The following TCF7L1 variants were observed in gnomAD, a reference collection of about 807,000 sequenced individuals.
The protein encoded by TCF7L1 is transcription factor 7 like 1.
In TCF7L1, 18 loss-of-function variants were observed where a neutral mutation model predicts 63.7. The observed-to-expected ratio is 0.28, with a 90% CI of 0.20 to 0.42. The LOEUF (loss-of-function observed/expected upper bound fraction) is 0.42, where lower values mean the gene tolerates loss of function less well. Among genes scored for constraint, TCF7L1 ranks in the 10% least tolerant of loss-of-function variants. TCF7L1 has a pLI of 1.00. For missense variants in TCF7L1, 654 were observed against 779.3 expected (o/e 0.84, Z 1.91); for synonymous variants, 355 against 340.9 (o/e 1.04, Z -0.46).
intron 3 of TCF7L1, among the ~76,000 whole-genome samples, chr2:85,163,490 A>G (rs995538998): frequency 5.3e-5 from 8 of 152,170 alleles, no homozygotes; most frequent in Non-Finnish European, 1.2e-4. Flanking sequence ...TCCGAACAGA[A>G]TCTAATTTCA....
intron 3 of TCF7L1, among the ~76,000 whole-genome samples, chr2:85,272,515 G>A (rs1681173354): frequency 1.3e-5 from 2 of 152,060 alleles, no homozygotes; most frequent in Admixed American, 6.5e-5. Flanking sequence ...GTGGATGACC[G>A]GGCGTGGTAG....
intron 3 of TCF7L1, among the ~76,000 whole-genome samples, chr2:85,234,566 T>A (rs777827827): frequency 4.6e-5 from 7 of 152,206 alleles, no homozygotes; most frequent in Non-Finnish European, 1.0e-4. Flanking sequence ...CCCAAACATA[T>A]GCCAAAGAAT....
chr2:85,210,172 T>C (rs1679510142), intron 3 of TCF7L1, among the ~76,000 whole-genome samples: 1 of 152,240 alleles, frequency 6.6e-6, no homozygotes, highest in African/African-American at 2.4e-5. Flanking sequence ...TACCATTAAC[T>C]GGCTCCTTAT....
intron 3 of TCF7L1, among the ~76,000 whole-genome samples, chr2:85,180,154 G>A (rs892494087): frequency 1.3e-5 from 2 of 151,904 alleles, no homozygotes; most frequent in African/African-American, 4.8e-5. Context: ...GATGGGGAGG[G>A]AGATGTGAGG....
intron 3 of TCF7L1, among the ~76,000 whole-genome samples, chr2:85,236,707 A>AAGAGGTAAACAGAGTCCCAAGTCTG: frequency 6.6e-6 from 1 of 152,162 alleles, no homozygotes; most frequent in East Asian, 1.9e-4. Flanking sequence ...GGGGCAACAT[A>AAGAGGTAAACAGAGTCCCAAGTCTG]AGAGGTAAAC....
At chr2:85,200,184 G>A (rs1030665274) in intron 3 of TCF7L1, among the ~76,000 whole-genome samples, 3 of 152,070 alleles carry the variant, frequency 2.0e-5, no homozygotes, top group African/African-American at 7.2e-5. Flanking sequence ...CCACTTTTTG[G>A]CTATTGTGGA....
intron 4 of TCF7L1, among the ~76,000 whole-genome samples, chr2:85,290,503 A>G (rs564153443): frequency 2.6e-5 from 4 of 152,348 alleles, no homozygotes; most frequent in East Asian, 1.9e-4. Context: ...TAATTTACAT[A>G]TAGTGAAATT....
At chr2:85,260,419 T>C (rs1680831780) in intron 3 of TCF7L1, among the ~76,000 whole-genome samples, 3 of 152,002 alleles carry the variant, frequency 2.0e-5, no homozygotes, top group Admixed American at 2.0e-4. Context: ...GGCAGATTGC[T>C]TGAGCCCAGG....
intron 3 of TCF7L1, among the ~76,000 whole-genome samples, chr2:85,269,960 G>A (rs1681110075): frequency 2.6e-5 from 4 of 152,160 alleles, no homozygotes; most frequent in African/African-American, 9.7e-5. Context: ...TGTGGGGTCG[G>A]AGAGCTCTCC....
intron 4 of TCF7L1, among the ~76,000 whole-genome samples, chr2:85,291,379 A>C (rs924944382): frequency 1.1e-4 from 17 of 152,214 alleles, no homozygotes; most frequent in African/African-American, 3.9e-4. Flanking sequence ...CACAAGTTCT[A>C]CCTTTCACAA....
intron 3 of TCF7L1, among the ~76,000 whole-genome samples, chr2:85,176,719 G>A (rs777547347): frequency 6.6e-6 from 1 of 152,178 alleles, no homozygotes; most frequent in Non-Finnish European, 1.5e-5. Context: ...AGGCACAGTG[G>A]TTCACGCCTG....
chr2:85,173,405 A>G (rs905085129), intron 3 of TCF7L1, among the ~76,000 whole-genome samples: 3 of 152,142 alleles, frequency 2.0e-5, no homozygotes, highest in Non-Finnish European at 4.4e-5. Context: ...AGGAGGCAGA[A>G]AAACAGAAAC....
At chr2:85,228,528 G>T (rs1235122145) in intron 3 of TCF7L1, among the ~76,000 whole-genome samples, 1 of 152,146 alleles carries the variant, frequency 6.6e-6, no homozygotes, top group Non-Finnish European at 1.5e-5. Context: ...GCTGAGGAAG[G>T]GCAGCCTAGA....
intron 3 of TCF7L1, among the ~76,000 whole-genome samples, chr2:85,228,293 C>A (rs1033066639): frequency 2.6e-5 from 4 of 152,078 alleles, no homozygotes; most frequent in Non-Finnish European, 5.9e-5. Context: ...TGGTGGTGCA[C>A]GCCTGTAGTC....
rs1012398239 is a variant in TCF7L1 at position 85,223,541 on chromosome 2, G to A, written c.442-59954G>A. On this transcript the variant is annotated intron_variant, in intron 3 of 11. Coordinates refer to ENST00000282111, the MANE Select transcript of TCF7L1 (RefSeq NM_031283.3). Reference sequence around the variant, plus strand: ...ATCAAGTGAGCTGCTGGAGGTGGATGTATGGGGTGTCTGCTTCCCCAGGTG... The same window carrying A: ...ATCAAGTGAGCTGCTGGAGGTGGATATATGGGGTGTCTGCTTCCCCAGGTG... Among the ~76,000 whole-genome samples the A allele has an allele frequency of 5.9e-5, 9 of 152,148 alleles. 1 individual carries two copies.
intron 3 of TCF7L1, among the ~76,000 whole-genome samples, chr2:85,162,353 A>T (rs1164471206): frequency 6.6e-6 from 1 of 152,218 alleles, no homozygotes; most frequent in African/African-American, 2.4e-5. Flanking sequence ...CACTTTTAAA[A>T]GTTGGTACAC....
chr2:85,170,084 A>T (rs764534050), intron 3 of TCF7L1, among the ~76,000 whole-genome samples: 6 of 152,208 alleles, frequency 3.9e-5, no homozygotes, highest in Non-Finnish European at 8.8e-5. Context: ...TGAATATTTC[A>T]GAGAGAGGAG....
chr2:85,285,632 C>T (rs1490790992), intron 4 of TCF7L1, among the ~76,000 whole-genome samples: 2 of 152,348 alleles, frequency 1.3e-5, no homozygotes, highest in African/African-American at 4.8e-5. Flanking sequence ...TAGCCAAGCA[C>T]GAGGCGCGGG....
intron 3 of TCF7L1, among the ~76,000 whole-genome samples, chr2:85,280,211 T>C (rs11126990): frequency 0.61 from 92,640 of 151,914 alleles, 30,195 homozygotes; most frequent in East Asian, 0.85. Context: ...AATCTGGAGA[T>C]ATTTCTGATG....
Sources: allele counts gnomAD v4.1 joint callset (sites outside exome capture counted in the v4.1 genomes callset), GRCh38; gene constraint gnomAD v4.1.1; transcripts MANE v1.5; gene names NCBI Gene and HGNC (gene_info 2026-07-23, HGNC 2026-07-21).